Variants in SEL1L observed in about 807,000 individuals in gnomAD.
SEL1L encodes SEL1L adaptor subunit of SYVN1 ubiquitin ligase.
Under a neutral mutation model 109.8 loss-of-function variants are expected in SEL1L, and 52 were observed. The observed-to-expected ratio is 0.47, with a 90% CI of 0.38 to 0.60. The LOEUF is 0.60. Among genes scored for constraint, SEL1L ranks in the 20% least tolerant of loss-of-function variants. SEL1L has a pLI of 0.00. For synonymous variants in SEL1L, 373 were observed against 339.6 expected, an observed-to-expected ratio of 1.10 and a Z score of -1.08; for missense variants, 749 against 962.2, an observed-to-expected ratio of 0.78 and a Z score of 2.93.
chr14:81,498,352 T>A, intron 9 of SEL1L, 61 bp downstream of exon 9: 1 of 1,332,840 alleles, frequency 7.5e-7, no homozygotes. Context: ...AAAATAGAAA[T>A]GTTTAAAGTT....
intron 18 of SEL1L, among the ~76,000 whole-genome samples, chr14:81,485,452 T>G (rs549323668): frequency 0.01 from 1,008 of 99,402 alleles, 4 homozygotes; most frequent in Admixed American, 0.018. Context: ...ATTTTTTTTG[T>G]TTTTTTTTTT....
chr14:81,487,820 TTGG>T, intron 15 of SEL1L, 32 bp downstream of exon 15: 1 of 1,609,224 alleles, frequency 6.2e-7, no homozygotes, highest in African/African-American at 1.3e-5. Context: ...AATTTAGATC[TTGG>T]TGTATCCATC....
intron 10 of SEL1L, among the ~76,000 whole-genome samples, chr14:81,496,671 C>T (rs566027988): frequency 2.6e-5 from 4 of 152,064 alleles, no homozygotes; most frequent in East Asian, 3.9e-4. Context: ...ACCCGGGAAG[C>T]GGAGGTTGCA....
intron 3 of SEL1L, among the ~76,000 whole-genome samples, chr14:81,519,757 T>G (rs1884837893): frequency 6.6e-6 from 1 of 152,190 alleles, no homozygotes; most frequent in South Asian, 2.1e-4. Context: ...AAACCTACAT[T>G]TATTTTTAAG....
chr14:81,487,346 G>A, intron 16 of SEL1L, 44 bp downstream of exon 16: 1 of 1,515,204 alleles, frequency 6.6e-7, no homozygotes. Flanking sequence ...TTTCCTGCTG[G>A]GCAAATCAAC....
intron 3 of SEL1L, among the ~76,000 whole-genome samples, chr14:81,506,714 A>G (rs1056036511): frequency 9.2e-5 from 14 of 152,206 alleles, no homozygotes; most frequent in African/African-American, 3.1e-4. Context: ...GCATTTTATT[A>G]GAGTACTTAT....
At position 81,487,947 on chromosome 14, in the gene SEL1L, AG is replaced by A; in HGVS notation, c.1396-6del. 1 of 1,610,106 alleles carries A rather than the reference AG, an allele frequency of 6.2e-7. No homozygotes were observed. Among genetic ancestry groups the A allele is most frequent in the Non-Finnish European group, 8.5e-7 (1 of 1,176,958 alleles). On this transcript the variant is annotated splice_region_variant and splice_polypyrimidine_tract_variant and intron_variant, in intron 14 of 20. Transcript: ENST00000336735. ...CTTAAGGGCTAGATCATAATTCTGT[AG>A]AAAAAGATGTCATATGATGAGAAAG...
intron 19 of SEL1L, among the ~76,000 whole-genome samples, chr14:81,482,380 G>C (rs1192176544): frequency 6.6e-6 from 1 of 152,086 alleles, no homozygotes; most frequent in Non-Finnish European, 1.5e-5. Flanking sequence ...AACTTCACTT[G>C]AATTAAAAAT....
intron 3 of SEL1L, among the ~76,000 whole-genome samples, chr14:81,524,225 C>G (rs767758057): frequency 1.3e-5 from 2 of 152,136 alleles, no homozygotes; most frequent in Non-Finnish European, 2.9e-5. Context: ...GCCAAAACCC[C>G]TAGGCAAAAG....
chr14:81,530,241 T>G (rs1010113131), intron 1 of SEL1L, among the ~76,000 whole-genome samples: 1 of 152,248 alleles, frequency 6.6e-6, no homozygotes, highest in Non-Finnish European at 1.5e-5. Context: ...GCTTTAGCTC[T>G]AAATTGGTAC....
rs1255357258 is a variant in SEL1L, at chr14:81,489,276, G to A, written c.1371C>T (p.Tyr457=). The A allele has an allele frequency of 6.2e-7, 1 of 1,614,122 alleles. No homozygotes were observed. The highest frequency in any genetic ancestry group is 2.2e-5 in the East Asian group (1 of 44,870). ...CAACTTGAACTCCTCTCCCATAGAG[G>A]TAGGCCATTCCAAGCCCACTCTGTC... ...PVGQSGLGMA[Y]LYGRGVQVNY... The change falls in exon 14 of 21, where the codon TAC becomes TAT. Residue 457 remains tyrosine, a synonymous_variant. Coordinates refer to ENST00000336735, the MANE Select transcript of SEL1L (RefSeq NM_005065.6).
intron 3 of SEL1L, among the ~76,000 whole-genome samples, chr14:81,516,561 T>C (rs1408407491): frequency 6.6e-6 from 1 of 152,104 alleles, no homozygotes. Flanking sequence ...GTCTGGGCAT[T>C]AGAAGGAACA....
At chr14:81,488,748 CAG>C (rs1883426034) in intron 14 of SEL1L, 1 of 183,406 alleles carries the variant, frequency 5.5e-6, no homozygotes, top group Non-Finnish European at 1.1e-5. Flanking sequence ...GTGATCTGTA[CAG>C]AGAGTATAGT....
intron 6 of SEL1L, among the ~76,000 whole-genome samples, chr14:81,502,420 A>G (rs1884053383): frequency 6.6e-6 from 1 of 152,242 alleles, no homozygotes; most frequent in African/African-American, 2.4e-5. Flanking sequence ...GAAAAATGCA[A>G]TGGTGAGTAA....
At position 81,486,660 on chromosome 14, in the gene SEL1L, A is replaced by C. The variant is rs530584485; in HGVS notation, c.1633-206T>G. Among the ~76,000 whole-genome samples, 10 of 151,674 alleles carry C rather than the reference A, an allele frequency of 6.6e-5. 1 individual carries two copies. The highest frequency in any genetic ancestry group is 5.2e-4 in the Admixed American group (8 of 15,252). ...GTCAACAGGTTTATAAAAAAAAAAAACAGTACACAATTATTGTACTACAAA... is the reference window on the plus strand; with the variant it reads ...GTCAACAGGTTTATAAAAAAAAAAACCAGTACACAATTATTGTACTACAAA... On this transcript the variant is annotated intron_variant, in intron 16 of 20. Transcript: ENST00000336735.
chr14:81,502,161 G>C (rs1229868180), intron 6 of SEL1L, among the ~76,000 whole-genome samples: 2 of 152,012 alleles, frequency 1.3e-5, no homozygotes, highest in Admixed American at 1.3e-4. Flanking sequence ...CAGAACAATA[G>C]ACAGTGATAT....
rs749471676 is a variant in SEL1L, at chr14:81,476,982, G to A, written c.2375C>T (p.Pro792Leu). ...TGGACCCAGTGCCTATTACTGTGGT[G>A]GCTGCTGCTCTGGTGGCCCCTCCTG... ...PQQEGPPEQQ[P>L]PQ The change falls in exon 21 of 21, where the codon CCA becomes CTA. Residue 792 changes from proline to leucine, a missense_variant. Transcript: ENST00000336735. The A allele has an allele frequency of 6.8e-6, 11 of 1,614,036 alleles. No homozygotes were observed. Among genetic ancestry groups the A allele is most frequent in the Non-Finnish European group, 9.3e-6 (11 of 1,180,028 alleles).
At chr14:81,484,908 T>C (rs1482438171) in intron 18 of SEL1L, among the ~76,000 whole-genome samples, 1 of 152,234 alleles carries the variant, frequency 6.6e-6, no homozygotes, top group East Asian at 1.9e-4. Context: ...AACACTCCTA[T>C]GTAAATGATC....
At chr14:81,491,861 A>G (rs1283909760) in intron 12 of SEL1L, among the ~76,000 whole-genome samples, 5 of 152,200 alleles carry the variant, frequency 3.3e-5, no homozygotes, top group Non-Finnish European at 5.9e-5. Flanking sequence ...AACAAACTCT[A>G]ATTGCCTCTA....
Sources: gnomAD v4.1 joint callset for allele counts (sites outside exome capture counted in the v4.1 genomes callset) on GRCh38, gnomAD v4.1.1 for gene constraint, MANE v1.5 for transcripts, NCBI Gene and HGNC (gene_info 2026-07-23, HGNC 2026-07-21) for gene names.